Variants in ZFHX3 observed in about 807,000 individuals in gnomAD.
ZFHX3 encodes the protein zinc finger homeobox 3, also known as zinc finger homeobox protein 3.
In ZFHX3, 42 loss-of-function variants were observed where a neutral mutation model predicts 279.1. That is an observed-to-expected ratio of 0.15 (90% confidence interval 0.12 to 0.19). The LOEUF is 0.19. Among genes scored for constraint, ZFHX3 ranks in the 10% least tolerant of loss-of-function variants. ZFHX3 has a pLI of 1.00. For missense variants in ZFHX3, 4,981 were observed against 4,754.0 expected, an observed-to-expected ratio of 1.05 and a Z score of -1.40; for synonymous variants, 2,293 against 1,957.8, an observed-to-expected ratio of 1.17 and a Z score of -4.52.
intron 2 of ZFHX3, among the ~76,000 whole-genome samples, chr16:73,484,008 A>G (rs2018925452): frequency 6.7e-6 from 1 of 148,968 alleles, no homozygotes; most frequent in South Asian, 2.1e-4. Flanking sequence ...ACAGTCTGAA[A>G]TCCCCCACTA....
At chr16:73,766,738 A>G (rs561015026) in intron 1 of ZFHX3, among the ~76,000 whole-genome samples, 11 of 152,260 alleles carry the variant, frequency 7.2e-5, no homozygotes. Flanking sequence ...ACCGCAGACC[A>G]GAAGTGACAT....
intron 5 of ZFHX3, among the ~76,000 whole-genome samples, chr16:73,247,633 G>A (rs111067766): frequency 4.8e-3 from 530 of 109,994 alleles, no homozygotes; most frequent in East Asian, 0.026. Flanking sequence ...GAGTGTGTGT[G>A]TTCATATACT....
intron 1 of ZFHX3, among the ~76,000 whole-genome samples, chr16:73,720,066 G>A (rs2053459419): frequency 6.6e-6 from 1 of 152,158 alleles, no homozygotes; most frequent in Non-Finnish European, 1.5e-5. Flanking sequence ...TCACAAAGGA[G>A]AAATATAATG....
At chr16:73,730,774 TG>T (rs1199415132) in intron 1 of ZFHX3, among the ~76,000 whole-genome samples, 1 of 152,170 alleles carries the variant, frequency 6.6e-6, no homozygotes, top group Non-Finnish European at 1.5e-5. Flanking sequence ...AGTATGGAGC[TG>T]GGGAACAACA....
intron 1 of ZFHX3, among the ~76,000 whole-genome samples, chr16:73,021,004 T>C (rs1331948181): frequency 6.6e-6 from 1 of 152,194 alleles, no homozygotes; most frequent in Admixed American, 6.5e-5. Context: ...ATAGAGCACC[T>C]GCAAGGATTA....
chr16:73,662,289 T>A (rs1490610985), intron 2 of ZFHX3, among the ~76,000 whole-genome samples: 1 of 152,216 alleles, frequency 6.6e-6, no homozygotes, highest in Non-Finnish European at 1.5e-5. Context: ...TTTGGCTTCA[T>A]ACACAGAATT....
chr16:73,701,237 G>C (rs1046082120), intron 1 of ZFHX3, among the ~76,000 whole-genome samples: 4 of 152,132 alleles, frequency 2.6e-5, no homozygotes, highest in Non-Finnish European at 4.4e-5. Flanking sequence ...AGTGATGTTG[G>C]TTTTCTTGTC....
chr16:73,824,406 T>C (rs1180396638), intron 1 of ZFHX3, among the ~76,000 whole-genome samples: 1 of 150,904 alleles, frequency 6.6e-6, no homozygotes, highest in East Asian at 1.9e-4. Context: ...TAATGTTTTT[T>C]TTTTTTTATT....
intron 5 of ZFHX3, among the ~76,000 whole-genome samples, chr16:73,231,012 A>G (rs1597232245): frequency 6.6e-6 from 1 of 152,268 alleles, no homozygotes; most frequent in Non-Finnish European, 1.5e-5. Flanking sequence ...CAATGGGAGA[A>G]AGGGTGATGT....
At chr16:73,177,241 G>A (rs1016228859) in intron 5 of ZFHX3, among the ~76,000 whole-genome samples, 8 of 152,168 alleles carry the variant, frequency 5.3e-5, no homozygotes, top group African/African-American at 1.9e-4. Flanking sequence ...TGGTTGGAGG[G>A]AAAATAAAAA....
chr16:73,487,367 T>C (rs767146054), intron 2 of ZFHX3: 6 of 394,334 alleles, frequency 1.5e-5, no homozygotes, highest in Admixed American at 3.0e-5. Context: ...AGGTCTGTTA[T>C]AGCAAGGGTC....
chr16:72,974,558 C>T, intron 1 of ZFHX3, among the ~76,000 whole-genome samples: 1 of 133,598 alleles, frequency 7.5e-6, no homozygotes, highest in Admixed American at 8.4e-5. Flanking sequence ...TGGAGGCTCA[C>T]TGATAGGGCA....
chr16:73,164,598 G>T (rs966492943), intron 5 of ZFHX3, among the ~76,000 whole-genome samples: 1 of 151,930 alleles, frequency 6.6e-6, no homozygotes, highest in Non-Finnish European at 1.5e-5. Flanking sequence ...TACTCAGGAG[G>T]CTGAGGCAGG....
chr16:73,544,903 C>T (rs916780145), intron 2 of ZFHX3, among the ~76,000 whole-genome samples: 1 of 152,138 alleles, frequency 6.6e-6, no homozygotes, highest in South Asian at 2.1e-4. Context: ...TAAAAAGATA[C>T]TAAAGTGCTA....
chr16:73,259,390 G>GA (rs1407670119), intron 4 of ZFHX3, among the ~76,000 whole-genome samples: 1 of 152,214 alleles, frequency 6.6e-6, no homozygotes, highest in Non-Finnish European at 1.5e-5. Context: ...TGATTGGGGT[G>GA]AAATAGCATA....
At position 72,969,038 on chromosome 16, in the gene ZFHX3, G is replaced by A. The variant is rs556215102; in HGVS notation, c.-49-8844C>T. On this transcript the variant is annotated intron_variant, in intron 1 of 9. Coordinates refer to ENST00000268489, the MANE Select transcript of ZFHX3 (RefSeq NM_006885.4). ...TAGGAGGAGTCTAGAAGGAGGACAC[G>A]AGAATTCTTTGTTCTACTGTTAAAA... 6.6e-5 allele frequency among the ~76,000 whole-genome samples: 10 copies of A among 152,258 alleles called. No individual in the cohort carries two copies. The South Asian group carries it at 2.1e-3, about 32-fold the overall frequency.
intron 2 of ZFHX3, among the ~76,000 whole-genome samples, chr16:73,599,376 T>A (rs1257746704): frequency 6.6e-6 from 1 of 152,262 alleles, no homozygotes; most frequent in Non-Finnish European, 1.5e-5. Flanking sequence ...CAGGACCAGC[T>A]ACATAATTTG....
intron 4 of ZFHX3, among the ~76,000 whole-genome samples, chr16:73,268,760 C>T (rs2014056774): frequency 6.6e-6 from 1 of 152,158 alleles, no homozygotes; most frequent in South Asian, 2.1e-4. Context: ...TCTCCTTGGT[C>T]AGGGATAACC....
chr16:72,903,237 T>C (rs942197786), intron 3 of ZFHX3, among the ~76,000 whole-genome samples: 7 of 152,216 alleles, frequency 4.6e-5, no homozygotes, highest in African/African-American at 2.4e-5. Context: ...GTTCCTTTCA[T>C]GCTTGGCTTA....
Sources: gnomAD v4.1 joint callset for allele counts (sites outside exome capture counted in the v4.1 genomes callset) on GRCh38, gnomAD v4.1.1 for gene constraint, MANE v1.5 for transcripts, NCBI Gene and HGNC (gene_info 2026-07-23, HGNC 2026-07-21) for gene names.